The following PLCB1 variants were observed in gnomAD, a reference collection of about 807,000 sequenced individuals.
The protein encoded by PLCB1 is phospholipase C beta 1.
PLCB1 carries 46 observed loss-of-function variants against 161.8 expected under a neutral mutation model. That is an observed-to-expected ratio of 0.28 (90% CI 0.22 to 0.36). The LOEUF is 0.36. Among genes scored for constraint, PLCB1 ranks in the 10% least tolerant of loss-of-function variants. PLCB1 has a pLI of 1.00. For synonymous variants in PLCB1, 517 were observed against 503.7 expected, an observed-to-expected ratio of 1.03 and a Z score of -0.35; for missense variants, 1,016 against 1,472.5, an observed-to-expected ratio of 0.69 and a Z score of 5.07.
At chr20:8,183,800 T>G (rs577076921) in intron 2 of PLCB1, among the ~76,000 whole-genome samples, 22 of 152,164 alleles carry the variant, frequency 1.4e-4, no homozygotes, top group Non-Finnish European at 2.9e-4. Flanking sequence ...AGAAAAAACT[T>G]CACTAATTTA....
At chr20:8,369,091 A>G (rs1259910776) in intron 2 of PLCB1, among the ~76,000 whole-genome samples, 1 of 152,188 alleles carries the variant, frequency 6.6e-6, no homozygotes, top group Non-Finnish European at 1.5e-5. Context: ...CATTGTAGGC[A>G]TTCAATAAAT....
At chr20:8,629,879 C>CTTTCTT (rs1568536067) in intron 4 of PLCB1, among the ~76,000 whole-genome samples, 54 of 89,816 alleles carry the variant, frequency 6.0e-4, no homozygotes, top group African/African-American at 2.3e-3. Context: ...CTTTCTTTCT[C>CTTTCTT]TCTCTCTTTC....
At position 8,618,311 on chromosome 20, in the gene PLCB1, A is replaced by T. The variant is rs188296389; in HGVS notation, c.247-9983A>T. ...GGAATATTTACTGCTTTTTTGTAAA[A>T]TTTTTTTAAAATTAAGAGAGCTTTA... On this transcript the variant is annotated intron_variant, in intron 3 of 31. Coordinates refer to ENST00000338037, the MANE Select transcript of PLCB1 (RefSeq NM_015192.4). Among the ~76,000 whole-genome samples, 1,097 of 152,238 alleles carry T rather than the reference A, an allele frequency of 7.2e-3. 16 individuals are homozygous for T. The highest frequency in any genetic ancestry group is 0.025 in the African/African-American group (1,054 of 41,544).
At chr20:8,875,687 T>TTTAAG (rs1183303457) in intron 31 of PLCB1, among the ~76,000 whole-genome samples, 2 of 151,842 alleles carry the variant, frequency 1.3e-5, no homozygotes, top group African/African-American at 4.8e-5. Context: ...CATATTTTTT[T>TTTAAG]TTAAGTTTTC....
chr20:8,446,598 A>G (rs1230888422), intron 3 of PLCB1, among the ~76,000 whole-genome samples: 1 of 152,238 alleles, frequency 6.6e-6, no homozygotes, highest in Non-Finnish European at 1.5e-5. Context: ...GTATTCAATT[A>G]GGAAAAGAGG....
chr20:8,276,968 C>CTTATTA (rs1405441972), intron 2 of PLCB1, among the ~76,000 whole-genome samples: 11 of 114,296 alleles, frequency 9.6e-5, no homozygotes, highest in Non-Finnish European at 1.3e-4. Context: ...TCTTCTTCTT[C>CTTATTA]TTCTTCTTCT....
intron 3 of PLCB1, among the ~76,000 whole-genome samples, chr20:8,627,441 A>G (rs1237859280): frequency 6.6e-6 from 1 of 152,202 alleles, no homozygotes; most frequent in African/African-American, 2.4e-5. Context: ...ATTTAGCTAA[A>G]TAAATAAGAA....
chr20:8,529,388 C>G (rs1389063674), intron 3 of PLCB1, among the ~76,000 whole-genome samples: 3 of 152,048 alleles, frequency 2.0e-5, no homozygotes, highest in Non-Finnish European at 4.4e-5. Flanking sequence ...AACAGCAACA[C>G]TTCCCCCAGA....
At chr20:8,821,501 G>T (rs13042018) in intron 31 of PLCB1, among the ~76,000 whole-genome samples, 1 of 42,406 alleles carries the variant, frequency 2.4e-5, no homozygotes, top group East Asian at 9.6e-4. Context: ...AAAAAAATAT[G>T]TATATATATA....
intron 3 of PLCB1, among the ~76,000 whole-genome samples, chr20:8,510,774 A>T (rs921704384): frequency 1.3e-5 from 2 of 152,206 alleles, no homozygotes; most frequent in Non-Finnish European, 2.9e-5. Flanking sequence ...CTGAAGAAGT[A>T]ATTAAACTTT....
At chr20:8,366,117 A>G (rs1382833947) in intron 2 of PLCB1, among the ~76,000 whole-genome samples, 1 of 152,130 alleles carries the variant, frequency 6.6e-6, no homozygotes, top group Admixed American at 6.6e-5. Context: ...TTTGTTAAAT[A>G]CCCAAAACCC....
intron 3 of PLCB1, among the ~76,000 whole-genome samples, chr20:8,385,841 C>T (rs1987411457): frequency 6.6e-6 from 1 of 152,228 alleles, no homozygotes; most frequent in African/African-American, 2.4e-5. Context: ...ATGCCAGCTG[C>T]CTCGTCAGTT....
chr20:8,179,499 T>C (rs575496768), intron 2 of PLCB1, among the ~76,000 whole-genome samples: 96 of 152,316 alleles, frequency 6.3e-4, no homozygotes, highest in African/African-American at 2.3e-3. Context: ...TCCTGAAAAT[T>C]TGCTGAAGTT....
intron 3 of PLCB1, among the ~76,000 whole-genome samples, chr20:8,399,524 T>C (rs1978451347): frequency 6.6e-6 from 1 of 152,150 alleles, no homozygotes; most frequent in Non-Finnish European, 1.5e-5. Context: ...AAATTCAAGT[T>C]CTATAAGGGA....
chr20:8,831,692 C>T (rs1408938335), intron 31 of PLCB1, among the ~76,000 whole-genome samples: 1 of 152,098 alleles, frequency 6.6e-6, no homozygotes, highest in Non-Finnish European at 1.5e-5. Flanking sequence ...TGCAGTAGTA[C>T]AGTTGTAGCT....
chr20:8,618,399 C>T (rs1988088715), intron 3 of PLCB1, among the ~76,000 whole-genome samples: 1 of 151,920 alleles, frequency 6.6e-6, no homozygotes, highest in African/African-American at 2.4e-5. Flanking sequence ...CAGTGTGTCA[C>T]ACCTGTAATC....
intron 27 of PLCB1, among the ~76,000 whole-genome samples, chr20:8,775,655 C>CA (rs938332788): frequency 4.6e-5 from 7 of 152,156 alleles, no homozygotes; most frequent in African/African-American, 1.7e-4. Flanking sequence ...ATGAGTAGAT[C>CA]AAAATCACAT....
intron 2 of PLCB1, among the ~76,000 whole-genome samples, chr20:8,187,329 C>T (rs1426818327): frequency 2.0e-5 from 3 of 152,098 alleles, no homozygotes; most frequent in Non-Finnish European, 4.4e-5. Flanking sequence ...CTTTCTTCCC[C>T]TTTCCCATAT....
At chr20:8,358,939 A>G (rs1986451582) in intron 2 of PLCB1, among the ~76,000 whole-genome samples, 1 of 152,188 alleles carries the variant, frequency 6.6e-6, no homozygotes, top group Non-Finnish European at 1.5e-5. Flanking sequence ...AAGGGAGTAA[A>G]TTTAAGAATT....
Sources: gnomAD v4.1 joint callset for allele counts (sites outside exome capture counted in the v4.1 genomes callset) on GRCh38, gnomAD v4.1.1 for gene constraint, MANE v1.5 for transcripts, NCBI Gene and HGNC (gene_info 2026-07-23, HGNC 2026-07-21) for gene names.